Variants in NPHP4 observed in about 807,000 individuals in gnomAD.
The protein encoded by NPHP4 is nephrocystin 4, also known as nephrocystin-4.
In NPHP4, 151 loss-of-function variants were observed where a neutral mutation model predicts 155.8. That is an observed-to-expected ratio of 0.97 (90% CI 0.85 to 1.11). The LOEUF is 1.11. Ranked by LOEUF, NPHP4 falls within the 50% of genes least tolerant of loss-of-function variation. NPHP4 has a pLI of 0.00. For synonymous variants in NPHP4, 845 were observed against 816.8 expected (o/e 1.03, Z -0.59); for missense variants, 1,956 against 1,925.7 (o/e 1.02, Z -0.29).
intron 7 of NPHP4, among the ~76,000 whole-genome samples, chr1:5,950,223 T>TTC (rs1647709517): frequency 6.6e-6 from 1 of 152,208 alleles, no homozygotes; most frequent in Non-Finnish European, 1.5e-5. Context: ...TGAGGGACAC[T>TTC]TCCTCAGAGA....
At chr1:5,961,761 T>C (rs766441085) in intron 6 of NPHP4, 33 bp downstream of exon 6, 1 of 1,596,540 alleles carries the variant, frequency 6.3e-7, no homozygotes, top group Non-Finnish European at 8.5e-7. Flanking sequence ...CAGACTCACC[T>C]CACCAAGTGG....
chr1:5,910,134 C>T lies in NPHP4; in HGVS notation c.1442-921G>A, dbSNP rs1645107845. Among the ~76,000 whole-genome samples the T allele has an allele frequency of 6.6e-6, 1 of 152,196 alleles. No individual in the cohort carries two copies. ...ATACACTGCCATTTGCCTTTGCCCACCATGAAACCACCAAGCCAGACCCCA... is the reference window on the plus strand; with the variant it reads ...ATACACTGCCATTTGCCTTTGCCCATCATGAAACCACCAAGCCAGACCCCA... On this transcript the variant is annotated intron_variant, in intron 11 of 29. Transcript: ENST00000378156. The surrounding 1 kb of genome is among the most constrained non-coding windows in gnomAD (Gnocchi z 5.4).
chr1:5,968,604 G>GA (rs934311576), intron 4 of NPHP4, among the ~76,000 whole-genome samples: 24 of 137,624 alleles, frequency 1.7e-4, no homozygotes, highest in East Asian at 1.1e-3. Context: ...CTGTCTCGAA[G>GA]AAAAAAAAAA....
chr1:5,864,464 A>C lies in NPHP4; in HGVS notation c.3870T>G (p.His1290Gln). The C allele has an allele frequency of 6.2e-7, 1 of 1,605,486 alleles. No individual in the cohort carries two copies. Among genetic ancestry groups the C allele is most frequent in the Non-Finnish European group, 8.5e-7 (1 of 1,176,384 alleles). The change falls in exon 28 of 30, where the codon CAT (histidine) becomes CAG (glutamine). Residue 1290 changes from histidine to glutamine, a missense_variant. By Grantham distance (24) the His-to-Gln change is conservative. Coordinates refer to ENST00000378156, the MANE Select transcript of NPHP4 (RefSeq NM_015102.5). ...CGGCCCTAAGGGGCCTCACGCCAACATGCAGGTCCTGCACCCCACGAGGCG... is the reference window on the plus strand; with the variant it reads ...CGGCCCTAAGGGGCCTCACGCCAACCTGCAGGTCCTGCACCCCACGAGGCG... ...VLPPRGVQDL[H>Q]VGVRPLRAGS...
At chr1:5,863,836 C>T in intron 29 of NPHP4, 54 bp downstream of exon 29, 6 of 1,590,000 alleles carry the variant, frequency 3.8e-6, no homozygotes, top group South Asian at 3.3e-5. Flanking sequence ...TAACTGCCCT[C>T]CATTCAGGTC....
chr1:5,977,780 G>T (rs1653905271), intron 3 of NPHP4, among the ~76,000 whole-genome samples: 1 of 145,644 alleles, frequency 6.9e-6, no homozygotes, highest in South Asian at 2.3e-4. Flanking sequence ...GTGAGTCCAG[G>T]CTCTGATACC....
At chr1:5,945,775 G>A (rs1037834127) in intron 9 of NPHP4, among the ~76,000 whole-genome samples, 8 of 152,176 alleles carry the variant, frequency 5.3e-5, no homozygotes, top group Non-Finnish European at 1.2e-4. Context: ...GAAGTACCCC[G>A]ATCTGCAGTT....
chr1:5,978,175 T>C, intron 3 of NPHP4, 95 bp downstream of exon 3: 2 of 1,208,596 alleles, frequency 1.7e-6, no homozygotes, highest in Non-Finnish European at 1.2e-6. Flanking sequence ...CTGTGAGGTC[T>C]CGGCAAGGCC....
chr1:5,863,328 G>C lies in NPHP4; in HGVS notation c.4218C>G (p.Ile1406Met). 6.2e-7 allele frequency: 1 copy of C among 1,613,976 alleles called. No individual in the cohort carries two copies. Among genetic ancestry groups the C allele is most frequent in the East Asian group, 2.2e-5 (1 of 44,888 alleles). ...TTTTGTCCTCATGGTCATTGATGTA[G>C]ATCAGGATCTCCTCCTCACCCACTC... ...SQRVGEEEIL[I>M]YINDHEDKNE... is the part of the protein sequence containing the mutation. Residue 1406 changes from isoleucine to methionine, a missense_variant, in exon 30 of 30, where the codon ATC becomes ATG. Physicochemically the swap from Ile to Met is conservative, Grantham distance 10 (BLOSUM62 1). Coordinates refer to ENST00000378156, the MANE Select transcript of NPHP4 (RefSeq NM_015102.5).
Position 5,944,679 on chromosome 1 carries a change from C to A in NPHP4, c.1119+2425G>T, listed in dbSNP as rs931986234. Among the ~76,000 whole-genome samples the A allele has an allele frequency of 6.6e-5, 10 of 152,220 alleles. No homozygotes were observed. The highest frequency in any genetic ancestry group is 2.4e-4 in the African/African-American group (10 of 41,454). On this transcript the variant is annotated intron_variant, in intron 9 of 29. Coordinates refer to ENST00000378156, the MANE Select transcript of NPHP4 (RefSeq NM_015102.5). The surrounding 1 kb of genome is among the most constrained non-coding windows in gnomAD (Gnocchi z 4.3). Reference sequence around the variant, plus strand: ...CAATCGACCAGCACATCGGAAAGTACCAATGACTGGCCGGGCGCGGTGGTT... The same window carrying A: ...CAATCGACCAGCACATCGGAAAGTAACAATGACTGGCCGGGCGCGGTGGTT...
chr1:5,969,310 G>A, intron 3 of NPHP4, 51 bp from the exon 4 acceptor site: 1 of 1,308,612 alleles, frequency 7.6e-7, no homozygotes. Context: ...CACACACAAA[G>A]AGGACATGGG....
chr1:5,874,984 C>T lies in NPHP4; in HGVS notation c.2934G>A (p.Glu978=), dbSNP rs752364536. 9 of 1,612,686 alleles carry T rather than the reference C, an allele frequency of 5.6e-6. No homozygotes were observed. Among genetic ancestry groups the T allele is most frequent in the Admixed American group, 3.3e-5 (2 of 60,008 alleles). The change falls in exon 21 of 30, where the codon GAG becomes GAA. Residue 978 remains glutamate, a synonymous_variant. Transcript: ENST00000378156. ...ASLLSLAITT[E]HTLHATLGVA... ...CCCCCAGCGTGGCGTGGAGCGTGTG[C>T]TCCGTGGTGATGGCCAGGCTCAGCA...
At chr1:5,933,070 G>T in intron 10 of NPHP4, 77 bp downstream of exon 10, 1 of 1,177,028 alleles carries the variant, frequency 8.5e-7, no homozygotes, top group African/African-American at 1.5e-5. Context: ...AAACATATTT[G>T]TGAACTTTTG....
rs577382470 is a variant in NPHP4, at chr1:5,898,810, G to A, written c.2143+5807C>T. Among the ~76,000 whole-genome samples, 9 of 152,036 alleles carry A rather than the reference G, an allele frequency of 5.9e-5. No individual in the cohort carries two copies. The South Asian group carries it at 1.2e-3, about 21-fold the overall frequency. ...CCTATTAACTCTGGTGACGGGATAC[G>A]GAAAGAATGCCTATCAATTCAAACC... is the stretch of plus-strand genomic sequence containing the variant. On this transcript the variant is annotated intron_variant, in intron 16 of 29. Transcript: ENST00000378156.
Position 5,907,048 on chromosome 1 carries a change from A to T in NPHP4, c.1611+67T>A, listed in dbSNP as rs1238271945. 4.2e-6 allele frequency: 4 copies of T among 963,272 alleles called. No individual in the cohort carries two copies. The Admixed American group carries it at 8.9e-5, about 21-fold the overall frequency. 59.7% of individuals were successfully genotyped at this position (963,272 alleles called of 1,614,324 possible). On this transcript the variant is annotated intron_variant, in intron 13 of 29. Transcript: ENST00000378156. ...AACTAAGGACAGGCACAGTGCAAAA[A>T]CCCAAAATGAGGAGCTGTGGAGCCA...
chr1:5,964,916 ATT>A (rs1557850190), intron 5 of NPHP4, among the ~76,000 whole-genome samples: 9 of 67,138 alleles, frequency 1.3e-4, no homozygotes, highest in African/African-American at 6.8e-4. Context: ...ATACATATAT[ATT>A]ATATATATAT....
intron 3 of NPHP4, among the ~76,000 whole-genome samples, chr1:5,970,197 T>G (rs1310560241): frequency 6.6e-6 from 1 of 152,100 alleles, no homozygotes; most frequent in Non-Finnish European, 1.5e-5. Flanking sequence ...TTCAATGCAG[T>G]TGTTTTTATT....
intron 16 of NPHP4, among the ~76,000 whole-genome samples, chr1:5,897,052 A>G (rs1212822956): frequency 6.6e-6 from 1 of 152,204 alleles, no homozygotes; most frequent in Non-Finnish European, 1.5e-5. Context: ...TGGCAATTAA[A>G]GGGAAAGAAT....
chr1:5,984,532 C>G (rs1026197025), intron 2 of NPHP4, among the ~76,000 whole-genome samples: 3 of 150,966 alleles, frequency 2.0e-5, no homozygotes, highest in Non-Finnish European at 4.4e-5. Flanking sequence ...GAGACTTCAT[C>G]TCAAAAAAAA....
Sources: gnomAD v4.1 joint callset for allele counts (sites outside exome capture counted in the v4.1 genomes callset) on GRCh38, gnomAD v4.1.1 for gene constraint, Gnocchi (gnomAD v3.1) non-coding constraint, MANE v1.5 for transcripts, NCBI Gene and HGNC (gene_info 2026-07-23, HGNC 2026-07-21) for gene names.